Variants in DLC1 observed in about 807,000 individuals in gnomAD.
The protein encoded by DLC1 is rho GTPase-activating protein 7.
In DLC1, 54 loss-of-function variants were observed where a neutral mutation model predicts 140.3. The observed-to-expected ratio is 0.38, with a 90% CI of 0.31 to 0.48. The LOEUF (loss-of-function observed/expected upper bound fraction) is 0.48, where lower values mean the gene tolerates loss of function less well. Ranked by LOEUF, DLC1 falls within the 20% of genes least tolerant of loss-of-function variation. DLC1 has a pLI of 0.96. For missense variants in DLC1, 2,536 were observed against 1,907.0 expected, an observed-to-expected ratio of 1.33 and a Z score of -6.14; for synonymous variants, 986 against 728.1, an observed-to-expected ratio of 1.35 and a Z score of -5.70.
rs1820039148 is a variant in DLC1 at position 13,110,843 on chromosome 8, A to G, written c.1421-20T>C. On this transcript the variant is annotated intron_variant, in intron 6 of 17. Coordinates refer to ENST00000276297, the MANE Select transcript of DLC1 (RefSeq NM_182643.3). Reference sequence around the variant, plus strand: ...GGAAATCTATGAGAAAAATAAACAGATGTATTTGTTGAGCGCCTAAAACCC... The same window carrying G: ...GGAAATCTATGAGAAAAATAAACAGGTGTATTTGTTGAGCGCCTAAAACCC... 1 of 1,612,636 alleles carries G rather than the reference A, an allele frequency of 6.2e-7. No individual in the cohort carries two copies. Among genetic ancestry groups the G allele is most frequent in the Non-Finnish European group, 8.5e-7 (1 of 1,179,048 alleles).
chr8:13,332,110 A>C (rs531591608), intron 4 of DLC1, among the ~76,000 whole-genome samples: 78 of 152,350 alleles, frequency 5.1e-4, no homozygotes, highest in Middle Eastern at 3.4e-3. Flanking sequence ...TTGGACATGG[A>C]ATGTAATTGC....
chr8:13,185,087 G>T (rs563765918), intron 5 of DLC1, among the ~76,000 whole-genome samples: 192 of 137,824 alleles, frequency 1.4e-3, no homozygotes, highest in Non-Finnish European at 1.7e-3. Flanking sequence ...TTGGTTTAAA[G>T]TCTGTTTTAT....
At chr8:13,224,790 C>T (rs1046130569) in intron 5 of DLC1, among the ~76,000 whole-genome samples, 1 of 152,154 alleles carries the variant, frequency 6.6e-6, no homozygotes, top group African/African-American at 2.4e-5. Context: ...GATTTTTTCT[C>T]TTCCTGCTTC....
chr8:13,567,573 C>T (rs1804493235), intron 1 of DLC1: 3 of 1,551,798 alleles, frequency 1.9e-6, no homozygotes, highest in East Asian at 2.4e-5. Flanking sequence ...CTAAGCAACA[C>T]ATATCTTATC....
At chr8:13,399,988 G>A (rs1325931380) in intron 3 of DLC1, among the ~76,000 whole-genome samples, 1 of 152,026 alleles carries the variant, frequency 6.6e-6, no homozygotes, top group Non-Finnish European at 1.5e-5. Flanking sequence ...AGATGGTCCA[G>A]GTCCTAATCC....
At chr8:13,459,706 T>C (rs1170326203) in intron 2 of DLC1, among the ~76,000 whole-genome samples, 1 of 152,192 alleles carries the variant, frequency 6.6e-6, no homozygotes, top group African/African-American at 2.4e-5. Context: ...GCTGCTGTTA[T>C]GATTTCCCTT....
intron 4 of DLC1, among the ~76,000 whole-genome samples, chr8:13,345,984 T>C (rs758755522): frequency 6.6e-6 from 1 of 152,258 alleles, no homozygotes; most frequent in Non-Finnish European, 1.5e-5. Flanking sequence ...TAGAAAACTT[T>C]GTTACTGGAA....
intron 1 of DLC1, among the ~76,000 whole-genome samples, chr8:13,508,450 C>G (rs1421937656): frequency 2.1e-5 from 3 of 144,810 alleles, no homozygotes; most frequent in African/African-American, 7.6e-5. Flanking sequence ...CGGAGTCTCG[C>G]TCTGTCGCCC....
At chr8:13,515,575 T>C (rs989984873), upstream of DLC1, 1 of 152,224 alleles carries the variant, frequency 6.6e-6, no homozygotes, top group African/African-American at 2.4e-5. Context: ...CCATCTAGCA[T>C]GGCAGCGTTC....
chr8:13,169,613 T>TA lies in DLC1; in HGVS notation c.1349-53957_1349-53956insT, dbSNP rs1825324240. Among the ~76,000 whole-genome samples, 6 of 152,306 alleles carry TA rather than the reference T, an allele frequency of 3.9e-5. No individual in the cohort carries two copies. The South Asian group carries it at 1.2e-3, about 32-fold the overall frequency. On this transcript the variant is annotated intron_variant, in intron 5 of 17. Transcript: ENST00000276297. ...CTGTGGTTTTGGCCAAGTCTTAATCTTTGGAAACTCAGTTTTCCCATCTGA... is the reference window on the plus strand; with the variant it reads ...CTGTGGTTTTGGCCAAGTCTTAATCTATTGGAAACTCAGTTTTCCCATCTGA...
intron 5 of DLC1, among the ~76,000 whole-genome samples, chr8:13,204,545 A>C (rs1487275122): frequency 6.6e-6 from 1 of 152,186 alleles, no homozygotes; most frequent in Non-Finnish European, 1.5e-5. Flanking sequence ...GGGTAATTTC[A>C]ACTCTTTTAC....
At chr8:13,186,133 T>C (rs1006084395) in intron 5 of DLC1, among the ~76,000 whole-genome samples, 1 of 152,172 alleles carries the variant, frequency 6.6e-6, no homozygotes, top group Non-Finnish European at 1.5e-5. Flanking sequence ...GTCTTGGGGT[T>C]GGTCTTCTCG....
intron 2 of DLC1, among the ~76,000 whole-genome samples, chr8:13,439,406 T>C (rs567940125): frequency 1.4e-4 from 21 of 152,046 alleles, no homozygotes; most frequent in Non-Finnish European, 2.4e-4. Context: ...GCCATGTAAG[T>C]GAGGTTCTTC....
intron 1 of DLC1, among the ~76,000 whole-genome samples, chr8:13,553,631 G>T (rs1803940600): frequency 6.6e-6 from 1 of 151,830 alleles, no homozygotes; most frequent in African/African-American, 2.4e-5. Flanking sequence ...TGGATTGCAG[G>T]CATGAGCCAC....
chr8:13,463,492 T>C (rs558299319), intron 2 of DLC1, among the ~76,000 whole-genome samples: 110 of 152,344 alleles, frequency 7.2e-4, no homozygotes, highest in African/African-American at 2.6e-3. Flanking sequence ...TACGGTGTTT[T>C]TCCCATTGAT....
intron 4 of DLC1, among the ~76,000 whole-genome samples, chr8:13,386,379 C>A (rs1251600229): frequency 2.0e-5 from 3 of 151,948 alleles, no homozygotes; most frequent in East Asian, 3.8e-4. Flanking sequence ...TGCCAGCCCC[C>A]AAAATTATTT....
rs369773134 is a variant in DLC1 at position 13,579,315 on chromosome 8, TTATATATATATATATATATATATA to T, written c.-126+25198_-126+25221del. On this transcript the variant is annotated intron_variant, in intron 1 of 1. Coordinates refer to the DLC1 transcript ENST00000631382. ...AAAGTCAGATACCACAGGTCTGACTTTATATATATATATATATATATATATATATATATATATATATATATATTT... is the reference window on the plus strand; with the variant it reads ...AAAGTCAGATACCACAGGTCTGACTTTATATATATATATATATATATATTT... 3.7e-4 allele frequency among the ~76,000 whole-genome samples: 4 copies of T among 10,668 alleles called. 1 individual carries two copies. The highest frequency in any genetic ancestry group is 1.4e-3 in the African/African-American group (4 of 2,904). 7.0% of individuals were successfully genotyped at this position (10,668 alleles called of 152,430 possible). A position where few individuals can be genotyped will look rare whatever the true frequency, so the allele number is the denominator to read the frequency against.
Position 13,092,598 on chromosome 8 carries a change from C to G in DLC1, c.3740+14G>C. On this transcript the variant is annotated intron_variant, in intron 13 of 17. Transcript: ENST00000276297. ...CTGCCCCCTGTGTGCATGCACCTCC[C>G]ATGCAGCCCGTACCTGGGAGAGGAA... The G allele has an allele frequency of 1.2e-6, 2 of 1,613,092 alleles. No homozygotes were observed. The highest frequency in any genetic ancestry group is 1.7e-6 in the Non-Finnish European group (2 of 1,179,692).
chr8:13,177,616 A>T (rs1439486665), intron 5 of DLC1, among the ~76,000 whole-genome samples: 1 of 152,264 alleles, frequency 6.6e-6, no homozygotes, highest in African/African-American at 2.4e-5. Context: ...AATTTGAAGG[A>T]CATAACATAC....
Sources: gnomAD v4.1 joint callset for allele counts (sites outside exome capture counted in the v4.1 genomes callset) on GRCh38, gnomAD v4.1.1 for gene constraint, MANE v1.5 for transcripts, NCBI Gene and HGNC (gene_info 2026-07-23, HGNC 2026-07-21) for gene names.